Variants in RBFOX1 observed in about 807,000 individuals in gnomAD.
RBFOX1 encodes the protein RNA binding protein fox-1 homolog 1.
A neutral mutation model predicts 57.7 loss-of-function variants in RBFOX1; 8 were observed. That is an observed-to-expected ratio of 0.14 (90% CI 0.08 to 0.25). The LOEUF is 0.25. Among genes scored for constraint, RBFOX1 ranks in the 10% least tolerant of loss-of-function variants. The pLI is 1.00. For synonymous variants in RBFOX1, 326 were observed against 222.4 expected, an observed-to-expected ratio of 1.47 and a Z score of -4.15; for missense variants, 611 against 548.5, an observed-to-expected ratio of 1.11 and a Z score of -1.14.
At position 7,326,961 on chromosome 16, in the gene RBFOX1, T is replaced by C. The variant is rs556696370; in HGVS notation, c.28-191186T>C. 2.6e-5 allele frequency among the ~76,000 whole-genome samples: 4 copies of C among 152,266 alleles called. No homozygotes were observed. In the South Asian group the frequency reaches 6.2e-4, roughly 24 times the overall value. On this transcript the variant is annotated intron_variant, in intron 4 of 15. Transcript: ENST00000550418. ...CATTTGCTAGTGGACATTTTAGTCA[T>C]TGGGTGAGCAAGAAGAAATGGCATA...
rs527350964 is a variant in RBFOX1, at chr16:6,964,487, A to G, written c.-15-87570A>G. ...GATGTGTCAGTGTATATGGTTATCAACTGTAACAAATTGCACCTCTGGTAG... is the reference window on the plus strand; with the variant it reads ...GATGTGTCAGTGTATATGGTTATCAGCTGTAACAAATTGCACCTCTGGTAG... On this transcript the variant is annotated intron_variant, in intron 3 of 15. Transcript: ENST00000550418. 2.6e-5 allele frequency among the ~76,000 whole-genome samples: 4 copies of G among 152,254 alleles called. No homozygotes were observed. In the South Asian group the frequency reaches 8.3e-4, roughly 32 times the overall value.
intron 2 of RBFOX1, among the ~76,000 whole-genome samples, chr16:6,453,645 A>G (rs116183352): frequency 0.023 from 3,429 of 152,190 alleles, 123 homozygotes; most frequent in African/African-American, 0.075. Flanking sequence ...CTATTTCCAA[A>G]CAATAGAAAA....
At chr16:7,437,082 A>G (rs1248273178) in intron 4 of RBFOX1, among the ~76,000 whole-genome samples, 6 of 152,144 alleles carry the variant, frequency 3.9e-5, no homozygotes, top group South Asian at 4.1e-4. Flanking sequence ...CTCTGTCTCA[A>G]AAAATCTCCT....
At chr16:6,420,853 T>A (rs1315014726) in intron 2 of RBFOX1, among the ~76,000 whole-genome samples, 1 of 152,182 alleles carries the variant, frequency 6.6e-6, no homozygotes, top group Non-Finnish European at 1.5e-5. Flanking sequence ...ATGTGTGGGA[T>A]GAGGGTGACA....
intron 5 of RBFOX1, among the ~76,000 whole-genome samples, chr16:7,556,475 ACT>A (rs2088525118): frequency 6.6e-6 from 1 of 152,188 alleles, no homozygotes; most frequent in African/African-American, 2.4e-5. Context: ...GCCACAGGTA[ACT>A]CTGGAATATT....
intron 5 of RBFOX1, among the ~76,000 whole-genome samples, chr16:7,539,501 C>G (rs1390389076): frequency 1.3e-5 from 2 of 152,184 alleles, no homozygotes; most frequent in Non-Finnish European, 2.9e-5. Context: ...GCCCAGGTGA[C>G]ATATTGTCCA....
chr16:7,087,261 T>C lies in RBFOX1; in HGVS notation c.27+35163T>C, dbSNP rs558951315. Among the ~76,000 whole-genome samples the C allele has an allele frequency of 1.1e-4, 16 of 152,328 alleles. No individual in the cohort carries two copies. The East Asian group carries it at 2.9e-3, about 28-fold the overall frequency. ...GCTGGCCTCCCAGAGTCACCGGCTC[T>C]GTGCAGATGGGCTTGCCTCAAGAGG... On this transcript the variant is annotated intron_variant, in intron 4 of 15. Transcript: ENST00000550418.
chr16:7,255,535 A>G (rs1450200029), intron 4 of RBFOX1, among the ~76,000 whole-genome samples: 1 of 152,196 alleles, frequency 6.6e-6, no homozygotes, highest in Non-Finnish European at 1.5e-5. Flanking sequence ...TGTAAAAGAG[A>G]TTGAAAAAGA....
chr16:6,103,166 C>T (rs920903327), intron 1 of RBFOX1, among the ~76,000 whole-genome samples: 1 of 152,162 alleles, frequency 6.6e-6, no homozygotes, highest in Admixed American at 6.5e-5. Flanking sequence ...TGGGATAAGC[C>T]AGTTCCATCC....
At chr16:6,746,961 C>G (rs1603503933) in intron 3 of RBFOX1, among the ~76,000 whole-genome samples, 1 of 152,104 alleles carries the variant, frequency 6.6e-6, no homozygotes, top group African/African-American at 2.4e-5. Context: ...AAACTAAAAT[C>G]TCATCTCTCC....
intron 1 of RBFOX1, among the ~76,000 whole-genome samples, chr16:5,319,635 C>T (rs1230654980): frequency 3.9e-5 from 6 of 152,084 alleles, no homozygotes; most frequent in African/African-American, 7.2e-5. Flanking sequence ...AAAGACTGAC[C>T]GTTTCAGTGT....
At chr16:5,994,622 G>C (rs921130776) in intron 4 of RBFOX1, among the ~76,000 whole-genome samples, 8 of 152,042 alleles carry the variant, frequency 5.3e-5, no homozygotes, top group Non-Finnish European at 1.2e-4. Context: ...CTCCATTGCA[G>C]CTACTCAACT....
chr16:7,278,486 C>A (rs555348024), intron 4 of RBFOX1, among the ~76,000 whole-genome samples: 2 of 152,306 alleles, frequency 1.3e-5, no homozygotes, highest in South Asian at 4.1e-4. Context: ...TCATACAGAT[C>A]TGTCCAATAT....
chr16:5,650,628 G>C (rs1158850008), intron 3 of RBFOX1, among the ~76,000 whole-genome samples: 1 of 152,170 alleles, frequency 6.6e-6, no homozygotes, highest in African/African-American at 2.4e-5. Flanking sequence ...CAGCTGCTTA[G>C]ATAAACACCA....
intron 4 of RBFOX1, among the ~76,000 whole-genome samples, chr16:7,338,337 A>G (rs1452773775): frequency 6.6e-6 from 1 of 152,126 alleles, no homozygotes; most frequent in Non-Finnish European, 1.5e-5. Flanking sequence ...GAAAAATGCC[A>G]ATGTATGCCT....
intron 2 of RBFOX1, among the ~76,000 whole-genome samples, chr16:6,650,654 C>G (rs576393191): frequency 2.0e-5 from 3 of 152,212 alleles, no homozygotes; most frequent in African/African-American, 4.8e-5. Flanking sequence ...GGAAAACAGT[C>G]TGTTCTACAT....
intron 4 of RBFOX1, among the ~76,000 whole-genome samples, chr16:5,910,019 C>G (rs1294275864): frequency 1.3e-5 from 2 of 152,148 alleles, no homozygotes; most frequent in African/African-American, 4.8e-5. Flanking sequence ...TGCCACTATA[C>G]TCCAGCCTTG....
chr16:7,427,365 A>G (rs1249316803), intron 4 of RBFOX1, among the ~76,000 whole-genome samples: 1 of 152,196 alleles, frequency 6.6e-6, no homozygotes, highest in Non-Finnish European at 1.5e-5. Context: ...AGAGATGCTG[A>G]TGCTGCTGGT....
chr16:6,531,305 C>A (rs1010711310), intron 2 of RBFOX1, among the ~76,000 whole-genome samples: 1 of 152,172 alleles, frequency 6.6e-6, no homozygotes, highest in Non-Finnish European at 1.5e-5. Flanking sequence ...GTTGCAGGAG[C>A]CTCTGGTATT....
Sources: allele counts gnomAD v4.1 joint callset (sites outside exome capture counted in the v4.1 genomes callset), GRCh38; gene constraint gnomAD v4.1.1; transcripts MANE v1.5; gene names NCBI Gene and HGNC (gene_info 2026-07-23, HGNC 2026-07-21).